The following ZNF451 variants were observed in gnomAD, a reference collection of about 807,000 sequenced individuals.
ZNF451 encodes E3 SUMO-protein ligase ZNF451.
A neutral mutation model predicts 107.1 loss-of-function variants in ZNF451; 80 were observed. The observed-to-expected ratio is 0.75, with a 90% CI of 0.62 to 0.90. The LOEUF is 0.90. ZNF451 is among the 40% of genes least tolerant of loss of function. The pLI, the probability that ZNF451 is intolerant of heterozygous loss-of-function variation, is 0.00. For synonymous variants in ZNF451, 362 were observed against 406.5 expected (o/e 0.89, Z 1.32); for missense variants, 1,107 against 1,236.2 (o/e 0.90, Z 1.57).
chr6:57,099,186 T>A (rs376319110), intron 3 of ZNF451, 45 bp downstream of exon 3: 2 of 1,431,894 alleles, frequency 1.4e-6, no homozygotes, highest in African/African-American at 1.4e-5. Context: ...TTGTGTCTTT[T>A]AAGAGGTATT....
chr6:57,132,222 T>G (rs1270604909), intron 5 of ZNF451, among the ~76,000 whole-genome samples: 4 of 152,182 alleles, frequency 2.6e-5, no homozygotes, highest in African/African-American at 9.6e-5. Context: ...TATTACTTGA[T>G]GTGTCTAGAC....
chr6:57,146,741 TTACA>T (rs907240382), intron 9 of ZNF451, among the ~76,000 whole-genome samples: 1 of 152,214 alleles, frequency 6.6e-6, no homozygotes, highest in Non-Finnish European at 1.5e-5. Context: ...CATAGTGTTC[TTACA>T]TACAGTTTAA....
chr6:57,095,326 C>CTTTTT (rs764972958), intron 2 of ZNF451, among the ~76,000 whole-genome samples: 1 of 107,804 alleles, frequency 9.3e-6, no homozygotes, highest in Non-Finnish European at 1.9e-5. Context: ...TTCTGTGATA[C>CTTTTT]TTTTTTTTTT....
intron 7 of ZNF451, among the ~76,000 whole-genome samples, chr6:57,138,735 ATATATATGTGTGTGTG>A (rs1347592579): frequency 5.7e-5 from 6 of 104,978 alleles, no homozygotes; most frequent in South Asian, 2.8e-4. Context: ...ATATATATAT[ATATATATGTGTGTGTG>A]TGTGTGTGTG....
chr6:57,137,651 G>A (rs1298367391), intron 7 of ZNF451, among the ~76,000 whole-genome samples: 2 of 152,038 alleles, frequency 1.3e-5, no homozygotes, highest in Non-Finnish European at 1.5e-5. Flanking sequence ...GATATACTGT[G>A]AGCTCCTTTG....
rs1284179458 is a variant in ZNF451, at chr6:57,094,484, T to A, written c.105+3590T>A. ...CCACCATGCCCTGCTTAGAATCCTT[T>A]ATTTTTTGTTAGTGGTGCAATAGGG... On this transcript the variant is annotated intron_variant, in intron 2 of 14. Transcript: ENST00000370706. 2.0e-5 allele frequency among the ~76,000 whole-genome samples: 3 copies of A among 152,106 alleles called. 1 individual carries two copies. The highest frequency in any genetic ancestry group is 2.0e-4 in the Admixed American group (3 of 15,258).
intron 3 of ZNF451, among the ~76,000 whole-genome samples, chr6:57,113,425 A>G (rs1830202884): frequency 6.6e-6 from 1 of 151,966 alleles, no homozygotes; most frequent in Admixed American, 6.6e-5. Flanking sequence ...GCAAAAGTAA[A>G]ATCACTCCAT....
chr6:57,117,014 G>A (rs895113287), intron 3 of ZNF451: 14 of 151,988 alleles, frequency 9.2e-5, no homozygotes, highest in Admixed American at 7.9e-4. Context: ...GATGCCTTTT[G>A]TTTTCAGCAT....
intron 3 of ZNF451, chr6:57,108,323 A>G (rs1186347796): frequency 1.6e-5 from 16 of 985,310 alleles, no homozygotes; most frequent in Middle Eastern, 5.2e-4. Context: ...GTTAAGGGCT[A>G]CAGTTAGACC....
At chr6:57,101,447 C>T in intron 3 of ZNF451, 1 of 1,550,878 alleles carries the variant, frequency 6.4e-7, no homozygotes, top group Non-Finnish European at 8.7e-7. Flanking sequence ...AACCCACCAG[C>T]TGAAGGCCCC....
intron 14 of ZNF451, among the ~76,000 whole-genome samples, chr6:57,162,857 T>C (rs1763726529): frequency 6.6e-6 from 1 of 152,186 alleles, no homozygotes; most frequent in Admixed American, 6.5e-5. Context: ...GAGGTGGAGA[T>C]GTTACATTTT....
chr6:57,103,409 G>A (rs1205382668), intron 3 of ZNF451: 1 of 985,410 alleles, frequency 1.0e-6, no homozygotes, highest in East Asian at 1.1e-4. Context: ...GTAAGAGACA[G>A]CTTATCTTTT....
chr6:57,124,813 T>C lies in ZNF451; in HGVS notation c.266T>C (p.Val89Ala). ...ACTCTGGCTCGTCTAGCCCGCCATGTTGAAGTGGAGAAACAGCAGAAAGAA... is the reference window on the plus strand; with the variant it reads ...ACTCTGGCTCGTCTAGCCCGCCATGCTGAAGTGGAGAAACAGCAGAAAGAA... ...ALTLARLARH[V>A]EVEKQQKEEK... The change falls in exon 4 of 15, where the codon GTT becomes GCT. Residue 89 changes from valine to alanine, a missense_variant. Val to Ala is a moderately conservative substitution (Grantham distance 64). Transcript: ENST00000370706. The C allele has an allele frequency of 6.2e-7, 1 of 1,611,798 alleles. No individual in the cohort carries two copies. The highest frequency in any genetic ancestry group is 8.5e-7 in the Non-Finnish European group (1 of 1,178,454).
chr6:57,094,547 A>T (rs1158888704), intron 2 of ZNF451, among the ~76,000 whole-genome samples: 1 of 152,196 alleles, frequency 6.6e-6, no homozygotes, highest in Non-Finnish European at 1.5e-5. Context: ...GGATAGAACA[A>T]ATGCAAATAA....
At chr6:57,102,186 G>T in intron 3 of ZNF451, 1 of 1,428,166 alleles carries the variant, frequency 7.0e-7, no homozygotes. Flanking sequence ...ACAGGTAGGA[G>T]ATCATCTCAA....
intron 3 of ZNF451, chr6:57,102,064 G>T (rs576240789): frequency 6.1e-5 from 94 of 1,529,310 alleles, no homozygotes; most frequent in Admixed American, 4.7e-4. Flanking sequence ...AAAGAAGGGA[G>T]ACTCTCCAGA....
intron 3 of ZNF451, chr6:57,108,650 A>G: frequency 2.0e-6 from 2 of 985,394 alleles, no homozygotes; most frequent in Non-Finnish European, 2.4e-6. Flanking sequence ...CTGTGTATTG[A>G]TCTTTCTTTA....
chr6:57,139,148 C>T (rs1006690393), intron 7 of ZNF451, among the ~76,000 whole-genome samples: 3 of 152,140 alleles, frequency 2.0e-5, no homozygotes, highest in African/African-American at 7.2e-5. Flanking sequence ...TGAAAATGTC[C>T]TCCTCGGTGT....
At position 57,147,625 on chromosome 6, in the gene ZNF451, C is replaced by G. The variant is rs750523166; in HGVS notation, c.1540C>G (p.Arg514Gly). 6.2e-7 allele frequency: 1 copy of G among 1,613,942 alleles called. No homozygotes were observed. The highest frequency in any genetic ancestry group is 8.5e-7 in the Non-Finnish European group (1 of 1,179,980). Residue 514 changes from arginine (R) to glycine (G), a missense_variant, in exon 10 of 15, where the codon CGT (arginine) becomes GGT (glycine). By Grantham distance (125) the Arg-to-Gly change is moderately radical. Transcript: ENST00000370706. The stretch of plus-strand genomic sequence containing the variant: ...GGTATGTGATGATTCAGGGGTCATT[C>G]GTTTACACATGAGCCGGATTCACGG... ...GKVCDDSGVI[R>G]LHMSRIHGGA...
Sources: gnomAD v4.1 joint callset for allele counts (sites outside exome capture counted in the v4.1 genomes callset) on GRCh38, gnomAD v4.1.1 for gene constraint, MANE v1.5 for transcripts, NCBI Gene and HGNC (gene_info 2026-07-23, HGNC 2026-07-21) for gene names.